SLC22A24: variants seen among roughly 807,000 people sequenced by gnomAD.
SLC22A24 encodes steroid transmembrane transporter SLC22A24.
Under a neutral mutation model 49.8 loss-of-function variants are expected in SLC22A24, and 53 were observed. The observed-to-expected ratio is 1.06, with a 90% CI of 0.85 to 1.34. SLC22A24 has a LOEUF of 1.34. Ranked by LOEUF, SLC22A24 falls within the 40% of genes most tolerant of loss-of-function variation. The pLI, the probability that SLC22A24 is intolerant of heterozygous loss-of-function variation, is 0.00. For synonymous variants in SLC22A24, 302 were observed against 256.4 expected, an observed-to-expected ratio of 1.18 and a Z score of -1.70; for missense variants, 786 against 675.9, an observed-to-expected ratio of 1.16 and a Z score of -1.81.
At chr11:63,111,319 TTG>T in intron 4 of SLC22A24, among the ~76,000 whole-genome samples, 1 of 152,198 alleles carries the variant, frequency 6.6e-6, no homozygotes, top group Admixed American at 6.5e-5. Flanking sequence ...TCTTTTTTTG[TTG>T]TGTCTCTGCC....
At chr11:63,081,240 T>C in intron 8 of SLC22A24, 117 bp from the exon 9 acceptor site, 1 of 842,804 alleles carries the variant, frequency 1.2e-6, no homozygotes. Flanking sequence ...ACATGGGCTT[T>C]GACAGCAAGC....
rs1200587627 is a variant in SLC22A24 at position 63,144,148 on chromosome 11, A to G, written c.-369T>C. ...TTCAGGTGGATGCAGTCCCCACGTGACCTAAAATACACCTGTTCAATAGTC... is the reference window on the plus strand; with the variant it reads ...TTCAGGTGGATGCAGTCCCCACGTGGCCTAAAATACACCTGTTCAATAGTC... On this transcript the variant is annotated 5_prime_UTR_variant, in exon 1 of 10. Coordinates refer to ENST00000612278, the MANE Select transcript of SLC22A24 (RefSeq NM_001136506.2). 1 of 170,836 alleles carries G rather than the reference A, an allele frequency of 5.9e-6. No individual in the cohort carries two copies. The highest frequency in any genetic ancestry group is 2.4e-5 in the African/African-American group (1 of 42,294). 10.6% of individuals were successfully genotyped at this position (170,836 alleles called of 1,614,324 possible). A position where few individuals can be genotyped will look rare whatever the true frequency, so the allele number is the denominator to read the frequency against.
intron 2 of SLC22A24, among the ~76,000 whole-genome samples, chr11:63,133,993 A>G (rs1454449993): frequency 6.6e-6 from 1 of 152,226 alleles, no homozygotes; most frequent in Non-Finnish European, 1.5e-5. Flanking sequence ...AATCTATTAG[A>G]GTAGATTAGT....
chr11:63,108,925 C>G lies in SLC22A24; in HGVS notation c.831-4627G>C, dbSNP rs549065937. 3.4e-5 allele frequency among the ~76,000 whole-genome samples: 5 copies of G among 146,678 alleles called. No homozygotes were observed. The East Asian group carries it at 1.0e-3, about 30-fold the overall frequency. On this transcript the variant is annotated intron_variant, in intron 4 of 9. Coordinates refer to ENST00000612278, the MANE Select transcript of SLC22A24 (RefSeq NM_001136506.2). ...GTTAGTTACATATGTATACATGTGC[C>G]ATGCTGGTGTGCTGCACCCACTAAC...
intron 1 of SLC22A24, among the ~76,000 whole-genome samples, chr11:63,143,154 G>A (rs1351637161): frequency 2.0e-5 from 3 of 152,060 alleles, no homozygotes; most frequent in Admixed American, 1.3e-4. Context: ...TAAAATTCAT[G>A]GTCTAATACC....
intron 4 of SLC22A24, among the ~76,000 whole-genome samples, chr11:63,104,997 T>G (rs2087111608): frequency 1.3e-5 from 2 of 152,076 alleles, no homozygotes; most frequent in Admixed American, 6.6e-5. Flanking sequence ...ACAATGGGGG[T>G]ATAGCAGTGG....
At chr11:63,109,029 A>G (rs1206296525) in intron 4 of SLC22A24, among the ~76,000 whole-genome samples, 1 of 132,374 alleles carries the variant, frequency 7.6e-6, no homozygotes, top group African/African-American at 3.0e-5. Flanking sequence ...CCAGAGTGTG[A>G]TGTTCCCCTT....
intron 1 of SLC22A24, among the ~76,000 whole-genome samples, chr11:63,141,641 A>G (rs1274308756): frequency 4.6e-5 from 7 of 152,204 alleles, no homozygotes; most frequent in African/African-American, 1.7e-4. Flanking sequence ...TATCTTGAGG[A>G]GAGGACTTTG....
chr11:63,119,126 T>A, intron 3 of SLC22A24, 46 bp from the exon 4 acceptor site: 1 of 1,526,856 alleles, frequency 6.5e-7, no homozygotes. Context: ...CAAATGGTAA[T>A]TTCAAGGTCA....
intron 8 of SLC22A24, 51 bp from the exon 9 acceptor site, chr11:63,081,174 C>T: frequency 7.0e-7 from 1 of 1,438,762 alleles, no homozygotes; most frequent in South Asian, 1.2e-5. Context: ...CTGTACATGT[C>T]AGCTCTTTAT....
chr11:63,126,604 C>G (rs2087292703), intron 2 of SLC22A24, among the ~76,000 whole-genome samples: 1 of 152,104 alleles, frequency 6.6e-6, no homozygotes, highest in South Asian at 2.1e-4. Flanking sequence ...TTGCCTCCAG[C>G]TTTATTCTTT....
At chr11:63,080,209 A>T (rs767415516) in intron 9 of SLC22A24, among the ~76,000 whole-genome samples, 4 of 152,072 alleles carry the variant, frequency 2.6e-5, no homozygotes, top group Non-Finnish European at 4.4e-5. Context: ...GAATATTGAT[A>T]CTCTCACCAT....
At chr11:63,081,514 C>G in intron 8 of SLC22A24, 44 bp downstream of exon 8, 2 of 1,327,910 alleles carry the variant, frequency 1.5e-6, no homozygotes, top group South Asian at 1.3e-5. Flanking sequence ...TCAATAAATT[C>G]AGAAATTTGT....
intron 1 of SLC22A24, among the ~76,000 whole-genome samples, chr11:63,137,547 G>A (rs1442189603): frequency 6.6e-6 from 1 of 152,176 alleles, no homozygotes; most frequent in Non-Finnish European, 1.5e-5. Flanking sequence ...ACCTGGAGTG[G>A]ATCAAAGGCA....
chr11:63,143,473 C>T lies in SLC22A24; in HGVS notation c.307G>A (p.Gly103Arg), dbSNP rs1234626877. 6.3e-6 allele frequency: 10 copies of T among 1,598,866 alleles called. No homozygotes were observed. In the East Asian group the frequency reaches 9.2e-5, roughly 15 times the overall value. Residue 103 changes from glycine (G) to arginine (R), a missense_variant, in exon 1 of 10, where the codon GGG (glycine) becomes AGG (arginine). Transcript: ENST00000612278. ...HPQWQLLHLN[G>R]TFPNTNEPDT... is the part of the protein sequence containing the mutation. ...GGCTCATTTGTGTTGGGGAAGGTCCCGTTCAGGTGAAGGAGCTGCCACTGG... is the reference window on the plus strand; with the variant it reads ...GGCTCATTTGTGTTGGGGAAGGTCCTGTTCAGGTGAAGGAGCTGCCACTGG...
rs201635557 is a variant in SLC22A24 at position 63,143,414 on chromosome 11, G to A, written c.366C>T (p.Tyr122=). 218 of 1,518,920 alleles carry A rather than the reference G, an allele frequency of 1.4e-4. No individual in the cohort carries two copies. The highest frequency in any genetic ancestry group is 2.9e-4 in the Admixed American group (13 of 44,892). The allele number at this position is 1,518,920 out of a possible 1,614,324, so 94.1% of individuals were successfully genotyped here. The change falls in exon 1 of 10, where the codon TAC becomes TAT. Residue 122 remains tyrosine (Y), a synonymous_variant. Transcript: ENST00000612278. ...TGGTGGAGAGGAAAGAGCTTCTGTCGTACACCCAGCCATCCACACAGGGCT... is the reference window on the plus strand; with the variant it reads ...TGGTGGAGAGGAAAGAGCTTCTGTCATACACCCAGCCATCCACACAGGGCT... ...DTEPCVDGWV[Y]DRSSFLSTIV... is the part of the protein sequence containing the mutation.
rs556947178 is a variant in SLC22A24 at position 63,112,927 on chromosome 11, A to G, written c.830+5985T>C. 6.3e-5 allele frequency among the ~76,000 whole-genome samples: 9 copies of G among 143,944 alleles called. No individual in the cohort carries two copies. In the East Asian group the frequency reaches 1.9e-3, roughly 31 times the overall value. The allele number at this position is 143,944 out of a possible 152,430, so 94.4% of individuals were successfully genotyped here. On this transcript the variant is annotated intron_variant, in intron 4 of 9. Transcript: ENST00000612278. ...CTACTCAGGAGGCTGAGGCAGGAGA[A>G]TGGCGTGAACCCGGGAGCCGGAGCT...
At chr11:63,128,265 G>T (rs1200422034) in intron 2 of SLC22A24, among the ~76,000 whole-genome samples, 4 of 152,070 alleles carry the variant, frequency 2.6e-5, no homozygotes, top group Non-Finnish European at 5.9e-5. Flanking sequence ...CTTCTGTCAT[G>T]CCTGGACAGG....
At chr11:63,126,569 G>A (rs948859158) in intron 2 of SLC22A24, among the ~76,000 whole-genome samples, 30 of 152,246 alleles carry the variant, frequency 2.0e-4, no homozygotes, top group African/African-American at 7.0e-4. Context: ...TAGCCTTGTA[G>A]CATAATTTGA....
Sources: allele counts gnomAD v4.1 joint callset (sites outside exome capture counted in the v4.1 genomes callset), GRCh38; gene constraint gnomAD v4.1.1; transcripts MANE v1.5; gene names NCBI Gene and HGNC (gene_info 2026-07-23, HGNC 2026-07-21).